CSMD1: variants seen among roughly 807,000 people sequenced by gnomAD.
CSMD1 encodes CUB and sushi domain-containing protein 1.
Under a neutral mutation model 417.5 loss-of-function variants are expected in CSMD1, and 213 were observed. The ratio of observed to expected loss-of-function variants is 0.51; its 90% CI spans 0.46 to 0.57. The LOEUF is 0.57. CSMD1 is among the 20% of genes least tolerant of loss of function. The pLI is 0.00. For synonymous variants in CSMD1, 2,862 were observed against 1,736.8 expected (o/e 1.65, Z -16.11); for missense variants, 6,923 against 4,529.7 (o/e 1.53, Z -15.17).
At chr8:3,412,111 CAT>C (rs1405458640) in intron 12 of CSMD1, among the ~76,000 whole-genome samples, 2 of 106,822 alleles carry the variant, frequency 1.9e-5, no homozygotes, top group African/African-American at 9.2e-5. Context: ...TACATATATA[CAT>C]ATATACACAC....
At chr8:3,338,917 G>T (rs538882937) in intron 23 of CSMD1, among the ~76,000 whole-genome samples, 1 of 150,552 alleles carries the variant, frequency 6.6e-6, no homozygotes, top group Non-Finnish European at 1.5e-5. Context: ...CATGTGCCAT[G>T]CTGGTGCGCT....
At chr8:3,278,106 C>T (rs985271901) in intron 26 of CSMD1, among the ~76,000 whole-genome samples, 1 of 151,936 alleles carries the variant, frequency 6.6e-6, no homozygotes, top group Non-Finnish European at 1.5e-5. Flanking sequence ...TATGAATCAG[C>T]CAAAGAGCCA....
chr8:4,518,576 T>C (rs551731761), intron 2 of CSMD1, among the ~76,000 whole-genome samples: 82 of 130,962 alleles, frequency 6.3e-4, no homozygotes, highest in African/African-American at 2.4e-3. Context: ...TGAGAACACA[T>C]GGACACAGGA....
At chr8:3,490,629 C>G (rs141354561) in intron 11 of CSMD1, among the ~76,000 whole-genome samples, 1 of 151,948 alleles carries the variant, frequency 6.6e-6, no homozygotes, top group Non-Finnish European at 1.5e-5. Flanking sequence ...ATTTTATAGC[C>G]AGGAAAAGAC....
chr8:2,980,514 T>C (rs994618992), intron 54 of CSMD1, among the ~76,000 whole-genome samples: 3 of 152,170 alleles, frequency 2.0e-5, no homozygotes, highest in Non-Finnish European at 4.4e-5. Context: ...ATCATTTTCA[T>C]CTTCTCTTTG....
chr8:4,905,648 T>G (rs924957740), intron 1 of CSMD1, among the ~76,000 whole-genome samples: 1 of 151,404 alleles, frequency 6.6e-6, no homozygotes, highest in South Asian at 2.1e-4. Context: ...TGAAACCCCG[T>G]CTCTACTAAA....
At chr8:3,905,859 C>T (rs1808072502) in intron 5 of CSMD1, among the ~76,000 whole-genome samples, 1 of 152,178 alleles carries the variant, frequency 6.6e-6, no homozygotes, top group African/African-American at 2.4e-5. Flanking sequence ...GGACTGTGGA[C>T]CCAATTTAGC....
chr8:4,355,155 A>C (rs1263067076), intron 3 of CSMD1, among the ~76,000 whole-genome samples: 1 of 151,878 alleles, frequency 6.6e-6, no homozygotes, highest in African/African-American at 2.4e-5. Flanking sequence ...CCAGCTACTC[A>C]GGAGGCTGAG....
At chr8:4,368,065 A>T (rs988456040) in intron 3 of CSMD1, among the ~76,000 whole-genome samples, 1 of 152,156 alleles carries the variant, frequency 6.6e-6, no homozygotes, top group Non-Finnish European at 1.5e-5. Context: ...TAGTGGTCAA[A>T]GTGCGCATCC....
At chr8:3,520,854 A>T (rs1797478711) in intron 10 of CSMD1, among the ~76,000 whole-genome samples, 1 of 152,096 alleles carries the variant, frequency 6.6e-6, no homozygotes. Context: ...TCCCAGCCTG[A>T]ACCCCACTTA....
chr8:4,357,460 TCTC>T (rs1373003508), intron 3 of CSMD1, among the ~76,000 whole-genome samples: 16 of 152,136 alleles, frequency 1.1e-4, no homozygotes, highest in Non-Finnish European at 2.2e-4. Context: ...AAGATACTTC[TCTC>T]CTACCATCGC....
chr8:4,131,257 G>C (rs889922130), intron 3 of CSMD1, among the ~76,000 whole-genome samples: 1 of 152,148 alleles, frequency 6.6e-6, no homozygotes, highest in South Asian at 2.1e-4. Context: ...CAGAAAGGTA[G>C]GAGATGAACT....
chr8:4,322,933 C>A (rs970418301), intron 3 of CSMD1, among the ~76,000 whole-genome samples: 1 of 152,168 alleles, frequency 6.6e-6, no homozygotes, highest in Non-Finnish European at 1.5e-5. Flanking sequence ...TGCAGTGAGC[C>A]TAGATCGTGC....
At chr8:4,468,781 G>A (rs1405044120) in intron 2 of CSMD1, among the ~76,000 whole-genome samples, 1 of 152,126 alleles carries the variant, frequency 6.6e-6, no homozygotes, top group Non-Finnish European at 1.5e-5. Flanking sequence ...CATGTCCTGT[G>A]TTTTTCATAT....
At chr8:4,810,778 C>T (rs1376227587) in intron 1 of CSMD1, among the ~76,000 whole-genome samples, 1 of 152,060 alleles carries the variant, frequency 6.6e-6, no homozygotes. Context: ...GAAGAAAGTG[C>T]CTCGCATATC....
intron 7 of CSMD1, among the ~76,000 whole-genome samples, chr8:3,676,782 A>G (rs1008984252): frequency 3.9e-5 from 6 of 152,322 alleles, no homozygotes; most frequent in East Asian, 1.9e-4. Context: ...ATGCCCATCA[A>G]TGATAGACTG....
intron 3 of CSMD1, among the ~76,000 whole-genome samples, chr8:4,083,592 AG>A (rs1398250487): frequency 2.0e-5 from 3 of 152,202 alleles, no homozygotes; most frequent in Non-Finnish European, 2.9e-5. Flanking sequence ...AAATGGGGAA[AG>A]GATTCCCTAT....
At chr8:3,106,054 G>C (rs1163868904) in intron 46 of CSMD1, among the ~76,000 whole-genome samples, 1 of 152,082 alleles carries the variant, frequency 6.6e-6, no homozygotes, top group Non-Finnish European at 1.5e-5. Flanking sequence ...AGATATTTCT[G>C]TTAGCATGTT....
chr8:3,956,660 T>G (rs1174486890), intron 5 of CSMD1, among the ~76,000 whole-genome samples: 1 of 152,208 alleles, frequency 6.6e-6, no homozygotes, highest in African/African-American at 2.4e-5. Context: ...ATAAGACGAC[T>G]GAAAATTATG....
Sources: allele counts gnomAD v4.1 joint callset (sites outside exome capture counted in the v4.1 genomes callset), GRCh38; gene constraint gnomAD v4.1.1; transcripts MANE v1.5; gene names NCBI Gene and HGNC (gene_info 2026-07-23, HGNC 2026-07-21).